NALF1: variants seen among roughly 807,000 people sequenced by gnomAD.
NALF1 encodes the protein family with sequence similarity 155 member A.
Under a neutral mutation model 48.4 loss-of-function variants are expected in NALF1, and 3 were observed. The ratio of observed to expected loss-of-function variants is 0.06; its 90% CI spans 0.03 to 0.16. The LOEUF is 0.16. NALF1 is among the 10% of genes least tolerant of loss of function. NALF1 has a pLI of 1.00. For synonymous variants in NALF1, 262 were observed against 245.7 expected, an observed-to-expected ratio of 1.07 and a Z score of -0.62; for missense variants, 526 against 571.5, an observed-to-expected ratio of 0.92 and a Z score of 0.81.
intron 1 of NALF1, among the ~76,000 whole-genome samples, chr13:107,721,109 T>TACACAC (rs66578211): frequency 1.6e-3 from 226 of 143,948 alleles, no homozygotes; most frequent in African/African-American, 2.9e-3. Flanking sequence ...CAGATCTCAA[T>TACACAC]ACACACACAC....
chr13:107,798,687 G>A (rs957503467), intron 1 of NALF1, among the ~76,000 whole-genome samples: 3 of 152,168 alleles, frequency 2.0e-5, no homozygotes, highest in African/African-American at 7.2e-5. Context: ...AGTTTGGAAT[G>A]TATTTACAGT....
intron 1 of NALF1, among the ~76,000 whole-genome samples, chr13:107,245,803 A>G (rs1483199287): frequency 6.6e-6 from 1 of 152,166 alleles, no homozygotes; most frequent in Admixed American, 6.5e-5. Flanking sequence ...CCATTGAAAG[A>G]GATTTGTCAC....
At chr13:107,554,570 T>C (rs1877397402) in intron 1 of NALF1, among the ~76,000 whole-genome samples, 1 of 152,138 alleles carries the variant, frequency 6.6e-6, no homozygotes, top group East Asian at 1.9e-4. Context: ...CCAGAGAGGC[T>C]GAGAGAGAAC....
At chr13:107,626,331 C>A (rs955147226) in intron 1 of NALF1, among the ~76,000 whole-genome samples, 1 of 152,000 alleles carries the variant, frequency 6.6e-6, no homozygotes, top group Admixed American at 6.6e-5. Context: ...CAAATTAGTA[C>A]AGCCACTATA....
chr13:107,460,739 TG>T (rs1405019042), intron 1 of NALF1, among the ~76,000 whole-genome samples: 2 of 152,234 alleles, frequency 1.3e-5, no homozygotes, highest in African/African-American at 4.8e-5. Context: ...ACTATCAATT[TG>T]TTAATGATTT....
intron 1 of NALF1, among the ~76,000 whole-genome samples, chr13:107,698,699 T>C (rs776308386): frequency 7.9e-5 from 12 of 152,084 alleles, no homozygotes; most frequent in Non-Finnish European, 1.2e-4. Context: ...ATGATTGGGA[T>C]TTTCAGATGG....
chr13:107,845,145 G>C (rs1298087376), intron 1 of NALF1, among the ~76,000 whole-genome samples: 2 of 152,126 alleles, frequency 1.3e-5, no homozygotes, highest in African/African-American at 2.4e-5. Flanking sequence ...GAAAATTCCA[G>C]AAAGATTTTT....
intron 1 of NALF1, among the ~76,000 whole-genome samples, chr13:107,394,738 A>G (rs1883682902): frequency 6.6e-6 from 1 of 152,362 alleles, no homozygotes; most frequent in Middle Eastern, 3.4e-3. Flanking sequence ...GGAGAAAAAT[A>G]CAATGAGAAA....
At chr13:107,590,386 T>C (rs1057275555) in intron 1 of NALF1, among the ~76,000 whole-genome samples, 3 of 152,070 alleles carry the variant, frequency 2.0e-5, no homozygotes, top group Non-Finnish European at 4.4e-5. Context: ...TGTGAGATAT[T>C]GTATTGCCTT....
At chr13:107,580,026 A>G (rs1477906237) in intron 1 of NALF1, among the ~76,000 whole-genome samples, 2 of 152,070 alleles carry the variant, frequency 1.3e-5, no homozygotes, top group Non-Finnish European at 2.9e-5. Context: ...TATTCACAAT[A>G]GCAAAGACTT....
At position 107,580,213 on chromosome 13, in the gene NALF1, C is replaced by T. The variant is rs144091109; in HGVS notation, c.915+285469G>A. ...ATCACAAGAACAAAAAACCAAACAC[C>T]GCATATTCTCACTCATAGGTGGGAA... On this transcript the variant is annotated intron_variant, in intron 1 of 2. Coordinates refer to ENST00000375915, the MANE Select transcript of NALF1 (RefSeq NM_001080396.3). Among the ~76,000 whole-genome samples the T allele has an allele frequency of 0.021, 3,195 of 152,166 alleles. 215 individuals carry two copies. In the East Asian group the frequency reaches 0.26, roughly 12 times the overall value.
intron 1 of NALF1, among the ~76,000 whole-genome samples, chr13:107,466,898 C>A (rs897461651): frequency 2.6e-5 from 4 of 152,044 alleles, no homozygotes; most frequent in African/African-American, 9.7e-5. Flanking sequence ...AGTGTGTGGT[C>A]AATGTGCAAC....
At chr13:107,464,057 C>T (rs865836533) in intron 1 of NALF1, among the ~76,000 whole-genome samples, 3 of 152,196 alleles carry the variant, frequency 2.0e-5, no homozygotes, top group East Asian at 1.9e-4. Context: ...TTCCAGGTTC[C>T]AATCCACCTG....
At position 107,210,617 on chromosome 13, in the gene NALF1, T is replaced by C. The variant is rs532484431; in HGVS notation, c.1054A>G (p.Ile352Val). 6.2e-7 allele frequency: 1 copy of C among 1,613,732 alleles called. No individual in the cohort carries two copies. The highest frequency in any genetic ancestry group is 2.2e-5 in the East Asian group (1 of 44,880). ...ATGAAACTGGAGAGGCCTCCGTAGA[T>C]GACTTCATCATTGTCGGGCAATATA... ...PFILPDNDEV[I>V]YGGLSSFICT... Residue 352 changes from isoleucine to valine, a missense_variant, in exon 2 of 3, where the codon ATC becomes GTC. This residue lies in a region of NALF1 where 153 missense variants were observed against 215.9 expected (regional missense o/e 0.71). Coordinates refer to ENST00000375915, the MANE Select transcript of NALF1 (RefSeq NM_001080396.3).
At chr13:107,512,801 C>T (rs1278723214) in intron 1 of NALF1, among the ~76,000 whole-genome samples, 2 of 152,130 alleles carry the variant, frequency 1.3e-5, no homozygotes, top group African/African-American at 2.4e-5. Context: ...CAACGGTAAA[C>T]TGACATGGGA....
intron 1 of NALF1, among the ~76,000 whole-genome samples, chr13:107,507,570 G>A (rs1594100725): frequency 1.8e-5 from 2 of 112,358 alleles, no homozygotes; most frequent in East Asian, 3.0e-4. Context: ...TCATGTCCTA[G>A]ATGCCTAGAT....
At chr13:107,263,245 A>G (rs960051704) in intron 1 of NALF1, among the ~76,000 whole-genome samples, 4 of 84,796 alleles carry the variant, frequency 4.7e-5, no homozygotes, top group African/African-American at 1.4e-4. Flanking sequence ...ACAAAATGCT[A>G]ACAGACACAC....
chr13:107,200,753 TG>T (rs1465952914), intron 2 of NALF1, among the ~76,000 whole-genome samples: 1 of 152,202 alleles, frequency 6.6e-6, no homozygotes, highest in Non-Finnish European at 1.5e-5. Context: ...TGATCTTGCC[TG>T]TTTTGGGTCT....
intron 1 of NALF1, among the ~76,000 whole-genome samples, chr13:107,601,953 GT>G (rs1478952292): frequency 6.6e-6 from 1 of 150,898 alleles, no homozygotes; most frequent in Non-Finnish European, 1.5e-5. Flanking sequence ...ATCCTTTTTT[GT>G]TTTAATGCGA....
Sources: allele counts gnomAD v4.1 joint callset (sites outside exome capture counted in the v4.1 genomes callset), GRCh38; gene constraint gnomAD v4.1.1; regional missense constraint gnomAD v4.1.1; transcripts MANE v1.5; gene names NCBI Gene and HGNC (gene_info 2026-07-23, HGNC 2026-07-21).